ANO3: variants seen among roughly 807,000 people sequenced by gnomAD.
The protein encoded by ANO3 is anoctamin 3.
In ANO3, 99 loss-of-function variants were observed where a neutral mutation model predicts 144.8. The ratio of observed to expected loss-of-function variants is 0.68; its 90% CI spans 0.58 to 0.81. The LOEUF (loss-of-function observed/expected upper bound fraction) is 0.81. Among genes scored for constraint, ANO3 ranks in the 30% least tolerant of loss-of-function variants. The pLI is 0.00. For synonymous variants in ANO3, 414 were observed against 392.6 expected, an observed-to-expected ratio of 1.05 and a Z score of -0.64; for missense variants, 905 against 1,202.2, an observed-to-expected ratio of 0.75 and a Z score of 3.66.
chr11:26,464,613 T>C (rs1232381158), intron 4 of ANO3, among the ~76,000 whole-genome samples: 3 of 151,866 alleles, frequency 2.0e-5, no homozygotes, highest in Admixed American at 6.6e-5. Context: ...ACTAGAACTT[T>C]AGGATATCAA....
intron 1 of ANO3, among the ~76,000 whole-genome samples, chr11:26,255,887 C>T (rs974769976): frequency 6.1e-4 from 93 of 152,126 alleles, no homozygotes; most frequent in African/African-American, 2.2e-3. Flanking sequence ...CTCATCAGGA[C>T]CCTGTTTAAC....
At chr11:26,446,360 A>C (rs1266790122) in intron 3 of ANO3, among the ~76,000 whole-genome samples, 1 of 152,190 alleles carries the variant, frequency 6.6e-6, no homozygotes, top group Non-Finnish European at 1.5e-5. Flanking sequence ...TGATTATTGC[A>C]TGGGAATTTC....
At chr11:26,591,973 A>G (rs1400156068) in intron 14 of ANO3, among the ~76,000 whole-genome samples, 1 of 152,176 alleles carries the variant, frequency 6.6e-6, no homozygotes, top group Admixed American at 6.5e-5. Context: ...GGGATGGGGA[A>G]CTAGAGGGAA....
At chr11:26,384,392 G>A (rs1215057139) in intron 1 of ANO3, among the ~76,000 whole-genome samples, 2 of 152,120 alleles carry the variant, frequency 1.3e-5, no homozygotes, top group Non-Finnish European at 2.9e-5. Flanking sequence ...AGTACATGGA[G>A]AAGTCTGCAA....
intron 17 of ANO3, among the ~76,000 whole-genome samples, chr11:26,601,991 A>T (rs2132938343): frequency 6.6e-6 from 1 of 152,256 alleles, no homozygotes. Flanking sequence ...ACAATAGTTG[A>T]AGCAAAAAGG....
chr11:26,278,620 A>G (rs1345153823), intron 1 of ANO3, among the ~76,000 whole-genome samples: 2 of 152,096 alleles, frequency 1.3e-5, no homozygotes, highest in African/African-American at 4.8e-5. Context: ...CCTCAGATGT[A>G]CTAATTTTGA....
intron 1 of ANO3, among the ~76,000 whole-genome samples, chr11:26,244,894 G>GCA (rs1852747771): frequency 1.3e-5 from 2 of 151,050 alleles, no homozygotes; most frequent in South Asian, 4.2e-4. Flanking sequence ...TTAATTCCAG[G>GCA]CACACTCAAG....
intron 18 of ANO3, among the ~76,000 whole-genome samples, chr11:26,629,518 T>A (rs890104117): frequency 2.0e-5 from 3 of 152,166 alleles, no homozygotes; most frequent in African/African-American, 4.8e-5. Context: ...CATGCGTTCA[T>A]CCATAAAAGA....
At chr11:26,537,374 A>T (rs775815168) in intron 9 of ANO3, 32 bp from the exon 10 acceptor site, 3 of 1,543,506 alleles carry the variant, frequency 1.9e-6, no homozygotes, top group African/African-American at 1.4e-5. Context: ...ATTGAAACTA[A>T]CTCAATAACT....
At chr11:26,421,861 C>T (rs1438885268) in intron 1 of ANO3, among the ~76,000 whole-genome samples, 4 of 152,118 alleles carry the variant, frequency 2.6e-5, no homozygotes, top group East Asian at 1.9e-4. Context: ...AACCAAATAT[C>T]GCATGTTCTC....
intron 17 of ANO3, among the ~76,000 whole-genome samples, chr11:26,612,441 C>A (rs1852126201): frequency 6.6e-6 from 1 of 151,032 alleles, no homozygotes; most frequent in Non-Finnish European, 1.5e-5. Flanking sequence ...ACTTCTTCAT[C>A]TATTAGGTGT....
At chr11:26,547,315 C>A in intron 11 of ANO3, 101 bp from the exon 12 acceptor site, 1 of 1,217,448 alleles carries the variant, frequency 8.2e-7, no homozygotes, top group Non-Finnish European at 1.2e-6. Context: ...CTGAGTGTAG[C>A]TTCAAGTTAC....
chr11:26,525,550 G>T, intron 6 of ANO3, 85 bp from the exon 7 acceptor site: 2 of 1,080,346 alleles, frequency 1.9e-6, no homozygotes, highest in Non-Finnish European at 2.8e-6. Flanking sequence ...GTATAGAAAT[G>T]CTCAATATGA....
At chr11:26,623,772 T>G (rs1014955767) in intron 17 of ANO3, among the ~76,000 whole-genome samples, 1 of 151,758 alleles carries the variant, frequency 6.6e-6, no homozygotes, top group African/African-American at 2.4e-5. Context: ...TTTTTAATTT[T>G]TATTTATTTT....
intron 1 of ANO3, among the ~76,000 whole-genome samples, chr11:26,384,683 A>T (rs1457449741): frequency 6.6e-6 from 1 of 152,166 alleles, no homozygotes; most frequent in East Asian, 1.9e-4. Flanking sequence ...TAATATAATG[A>T]TATTGTAGGC....
At chr11:26,563,375 A>C in intron 14 of ANO3, 1 of 1,131,516 alleles carries the variant, frequency 8.8e-7, no homozygotes, top group Non-Finnish European at 1.2e-6. Flanking sequence ...TTAAAATTAG[A>C]TAATGGTGTG....
chr11:26,590,344 C>A lies in ANO3; in HGVS notation c.1448-8021C>A, dbSNP rs111263276. Among the ~76,000 whole-genome samples, 47 of 152,334 alleles carry A rather than the reference C, an allele frequency of 3.1e-4. 1 individual carries two copies. The highest frequency in any genetic ancestry group is 9.1e-4 in the African/African-American group (38 of 41,576). On this transcript the variant is annotated intron_variant, in intron 14 of 26. Transcript: ENST00000256737. ...TATATGATGTGATATTTACTGCTTT[C>A]ATTTTATAAATTAAAAAATTGAGGC...
intron 8 of ANO3, among the ~76,000 whole-genome samples, chr11:26,533,208 C>T (rs1849417939): frequency 6.6e-6 from 1 of 151,946 alleles, no homozygotes; most frequent in African/African-American, 2.4e-5. Context: ...GAGAGCAGCA[C>T]ATCCAAAGGG....
chr11:26,192,876 T>C (rs1270595317), intron 1 of ANO3, among the ~76,000 whole-genome samples: 3 of 152,154 alleles, frequency 2.0e-5, no homozygotes, highest in Non-Finnish European at 2.9e-5. Flanking sequence ...CAGAGATTGA[T>C]GTAATTAAAA....
Sources: gnomAD v4.1 joint callset for allele counts (sites outside exome capture counted in the v4.1 genomes callset) on GRCh38, gnomAD v4.1.1 for gene constraint, MANE v1.5 for transcripts, NCBI Gene and HGNC (gene_info 2026-07-23, HGNC 2026-07-21) for gene names.